UXS1: variants seen among roughly 807,000 people sequenced by gnomAD.
The protein encoded by UXS1 is UDP-glucuronic acid decarboxylase 1.
In UXS1, 33 loss-of-function variants were observed where a neutral mutation model predicts 62.6. The observed-to-expected ratio is 0.53, with a 90% CI of 0.40 to 0.70. UXS1 has a LOEUF of 0.70. Among genes scored for constraint, UXS1 ranks in the 30% least tolerant of loss-of-function variants. The probability of loss-of-function intolerance (pLI) is 0.00; values close to 1 mark genes in which losing one functional copy is unlikely to be tolerated. For synonymous variants in UXS1, 213 were observed against 206.8 expected (o/e 1.03, Z -0.26); for missense variants, 434 against 556.3 (o/e 0.78, Z 2.21).
chr2:106,108,264 G>C (rs918794395), intron 10 of UXS1, among the ~76,000 whole-genome samples: 1 of 152,212 alleles, frequency 6.6e-6, no homozygotes, highest in Non-Finnish European at 1.5e-5. Flanking sequence ...CACTGTGTGC[G>C]CTAATGTGAA....
At chr2:106,192,638 C>A (rs1685005479) in intron 1 of UXS1, among the ~76,000 whole-genome samples, 1 of 152,218 alleles carries the variant, frequency 6.6e-6, no homozygotes. Flanking sequence ...ATAGAATACC[C>A]CCAAAATAAA....
At chr2:106,185,439 C>G (rs1386217129) in intron 1 of UXS1, among the ~76,000 whole-genome samples, 1 of 152,176 alleles carries the variant, frequency 6.6e-6, no homozygotes, top group Admixed American at 6.5e-5. Context: ...TCTCTAGACA[C>G]CAAGCAAGTG....
intron 5 of UXS1, among the ~76,000 whole-genome samples, chr2:106,152,604 AAG>A (rs1430716908): frequency 2.6e-5 from 4 of 151,910 alleles, no homozygotes; most frequent in Non-Finnish European, 5.9e-5. Context: ...GAAAAGAAAA[AAG>A]AAGAGAAAAG....
chr2:106,152,229 A>G (rs1447777720), intron 5 of UXS1, among the ~76,000 whole-genome samples: 1 of 152,202 alleles, frequency 6.6e-6, no homozygotes, highest in Non-Finnish European at 1.5e-5. Flanking sequence ...AGGTGGACAG[A>G]TAGCCTGAGG....
intron 6 of UXS1, among the ~76,000 whole-genome samples, chr2:106,137,546 T>G (rs1680757053): frequency 6.6e-6 from 1 of 151,990 alleles, no homozygotes; most frequent in Admixed American, 6.6e-5. Flanking sequence ...CCTAGCACTT[T>G]GGGAGGCCGA....
At chr2:106,105,036 A>G (rs978621074) in intron 10 of UXS1, among the ~76,000 whole-genome samples, 199 bp from the exon 11 acceptor site, 3 of 152,168 alleles carry the variant, frequency 2.0e-5, no homozygotes, top group African/African-American at 7.2e-5. Flanking sequence ...AGCAATACCT[A>G]AAGTGTGCAC....
intron 1 of UXS1, among the ~76,000 whole-genome samples, chr2:106,178,568 GTATA>G (rs72444409): frequency 2.0e-5 from 3 of 151,716 alleles, no homozygotes; most frequent in South Asian, 2.1e-4. Flanking sequence ...GTGTGTGTGT[GTATA>G]TATATATGTG....
intron 10 of UXS1, among the ~76,000 whole-genome samples, chr2:106,109,068 T>G (rs1678356166): frequency 6.6e-6 from 1 of 152,108 alleles, no homozygotes; most frequent in Non-Finnish European, 1.5e-5. Flanking sequence ...AGAATCCGCC[T>G]TACCTCTGAT....
intron 7 of UXS1, among the ~76,000 whole-genome samples, chr2:106,126,097 C>G (rs987978508): frequency 1.3e-5 from 2 of 152,152 alleles, no homozygotes; most frequent in African/African-American, 4.8e-5. Context: ...CTGGGCTCTT[C>G]TAACTGCCCA....
At chr2:106,120,461 T>C (rs971157218) in intron 9 of UXS1, among the ~76,000 whole-genome samples, 1 of 152,196 alleles carries the variant, frequency 6.6e-6, no homozygotes, top group Non-Finnish European at 1.5e-5. Context: ...ATATCACACC[T>C]GCTTACATGC....
At chr2:106,120,795 G>A (rs987026950) in intron 9 of UXS1, among the ~76,000 whole-genome samples, 8 of 152,196 alleles carry the variant, frequency 5.3e-5, no homozygotes, top group Non-Finnish European at 8.8e-5. Context: ...GCAACTGTCT[G>A]TTAGGGACTC....
chr2:106,164,663 A>T, intron 3 of UXS1, 73 bp downstream of exon 3: 1 of 1,182,774 alleles, frequency 8.5e-7, no homozygotes, highest in Non-Finnish European at 1.2e-6. Context: ...AATAAGAATG[A>T]CAGCACGAGC....
intron 5 of UXS1, among the ~76,000 whole-genome samples, chr2:106,155,800 A>G (rs1682375882): frequency 6.6e-6 from 1 of 152,222 alleles, no homozygotes; most frequent in African/African-American, 2.4e-5. Context: ...GGTGCCAGGA[A>G]AATTCAATGG....
intron 5 of UXS1, among the ~76,000 whole-genome samples, chr2:106,156,442 T>C (rs535111679): frequency 3.3e-5 from 5 of 152,222 alleles, no homozygotes; most frequent in South Asian, 4.2e-4. Flanking sequence ...CTGGTGGAAA[T>C]GTACAATGGC....
chr2:106,106,679 C>G (rs958368161), intron 10 of UXS1, among the ~76,000 whole-genome samples: 1 of 152,172 alleles, frequency 6.6e-6, no homozygotes, highest in Non-Finnish European at 1.5e-5. Flanking sequence ...ACAGTTCTGC[C>G]TGAACCTGAT....
At chr2:106,191,913 C>A (rs754049303) in intron 1 of UXS1, among the ~76,000 whole-genome samples, 2 of 152,206 alleles carry the variant, frequency 1.3e-5, no homozygotes, top group Non-Finnish European at 2.9e-5. Flanking sequence ...ATTTCCAATT[C>A]ATGCCCACCT....
intron 10 of UXS1, among the ~76,000 whole-genome samples, chr2:106,106,981 G>T (rs1678127898): frequency 6.6e-6 from 1 of 152,176 alleles, no homozygotes; most frequent in Non-Finnish European, 1.5e-5. Flanking sequence ...AGAACTACCT[G>T]TAGATTTTTT....
chr2:106,151,977 T>C (rs1682055022), intron 5 of UXS1, among the ~76,000 whole-genome samples: 1 of 152,164 alleles, frequency 6.6e-6, no homozygotes, highest in African/African-American at 2.4e-5. Context: ...GCCTAGGTGA[T>C]GGGTAAAAGA....
intron 1 of UXS1, among the ~76,000 whole-genome samples, chr2:106,167,677 TA>T (rs1683293435): frequency 6.6e-6 from 1 of 152,074 alleles, no homozygotes; most frequent in African/African-American, 2.4e-5. Context: ...TGGGAGAAAT[TA>T]AAATAAAGCT....
Sources: allele counts gnomAD v4.1 joint callset (sites outside exome capture counted in the v4.1 genomes callset), GRCh38; gene constraint gnomAD v4.1.1; transcripts MANE v1.5; gene names NCBI Gene and HGNC (gene_info 2026-07-23, HGNC 2026-07-21).